Variants in PREX2 observed in about 807,000 individuals in gnomAD.
PREX2 encodes phosphatidylinositol 3,4,5-trisphosphate-dependent Rac exchanger 2 protein.
Under a neutral mutation model 203.2 loss-of-function variants are expected in PREX2, and 107 were observed. The observed-to-expected ratio is 0.53, with a 90% confidence interval of 0.45 to 0.62. The LOEUF is 0.62. Ranked by LOEUF, PREX2 falls within the 20% of genes least tolerant of loss-of-function variation. The probability of loss-of-function intolerance (pLI) is 0.00; values close to 1 mark genes in which losing one functional copy is unlikely to be tolerated. For synonymous variants in PREX2, 672 were observed against 663.6 expected, an observed-to-expected ratio of 1.01 and a Z score of -0.19; for missense variants, 1,777 against 1,955.9, an observed-to-expected ratio of 0.91 and a Z score of 1.72.
At chr8:67,981,407 G>A (rs919628327) in intron 1 of PREX2, among the ~76,000 whole-genome samples, 3 of 152,178 alleles carry the variant, frequency 2.0e-5, no homozygotes, top group South Asian at 2.1e-4. Context: ...AACAGGTAAT[G>A]AAACAGGCTA....
chr8:68,118,810 A>G, intron 27 of PREX2, 166 bp downstream of exon 27: 2 of 747,826 alleles, frequency 2.7e-6, no homozygotes, highest in Admixed American at 1.7e-5. Context: ...TTGATAGTCT[A>G]TTTCCCAATC....
At chr8:68,164,645 C>T (rs868472054) in intron 35 of PREX2, among the ~76,000 whole-genome samples, 131 of 148,716 alleles carry the variant, frequency 8.8e-4, no homozygotes, top group African/African-American at 3.0e-3. Context: ...TGCAGTGGCA[C>T]GATCTTGGCT....
chr8:68,051,862 A>G (rs1015854397), intron 8 of PREX2, among the ~76,000 whole-genome samples: 1 of 152,140 alleles, frequency 6.6e-6, no homozygotes, highest in Admixed American at 6.6e-5. Context: ...AATACAGACT[A>G]ATGTCTAATG....
In PREX2 at chr8:68,019,661, T is replaced by A. The variant is rs1451952974; in HGVS notation, c.326T>A (p.Phe109Tyr). 1 of 1,603,622 alleles carries A rather than the reference T, an allele frequency of 6.2e-7. No homozygotes were observed. The highest frequency in any genetic ancestry group is 8.5e-7 in the Non-Finnish European group (1 of 1,177,568). Residue 109 changes from phenylalanine (F) to tyrosine (Y), a missense_variant, in exon 3 of 40, where the codon TTT becomes TAT. Transcript: ENST00000288368. Reference protein sequence around the residue: ...PNAQQEVGTCFLHFKDKFRIY... With the variant: ...PNAQQEVGTCYLHFKDKFRIY... The stretch of plus-strand genomic sequence containing the variant: ...GCTCAACAAGAAGTGGGAACCTGCT[T>A]TCTTCACTTTGTAGGATAAATTTCT...
intron 35 of PREX2, among the ~76,000 whole-genome samples, chr8:68,168,639 GGTAAGGT>G (rs910801384): frequency 1.1e-4 from 16 of 151,990 alleles, no homozygotes; most frequent in Non-Finnish European, 2.2e-4. Context: ...TTGCTTCTTG[GGTAAGGT>G]GTTGATTTCT....
intron 1 of PREX2, among the ~76,000 whole-genome samples, chr8:67,980,391 GC>G (rs5892119): frequency 0.22 from 33,622 of 152,074 alleles, 4,788 homozygotes; most frequent in East Asian, 0.54. Context: ...AGACTTTTGA[GC>G]AGCACAAAGA....
chr8:68,090,763 A>C (rs1012738264), intron 20 of PREX2, 48 bp downstream of exon 20: 2 of 1,536,140 alleles, frequency 1.3e-6, no homozygotes, highest in African/African-American at 1.6e-5. Context: ...ACTTGCATAA[A>C]GACCTAAGGG....
At position 68,105,055 on chromosome 8, in the gene PREX2, T is replaced by C. The variant is rs560575008; in HGVS notation, c.2716-3054T>C. Reference sequence around the variant, plus strand: ...GTTGCTAAAAAGATAGGCAGATTGATGTTTACAGGGCCATTTGCACAATCA... The same window carrying C: ...GTTGCTAAAAAGATAGGCAGATTGACGTTTACAGGGCCATTTGCACAATCA... On this transcript the variant is annotated intron_variant, in intron 23 of 39. Transcript: ENST00000288368. 6.8e-6 allele frequency: 7 copies of C among 1,031,506 alleles called. No individual in the cohort carries two copies. In the Admixed American group the frequency reaches 1.3e-4, roughly 19 times the overall value. The allele number at this position is 1,031,506 out of a possible 1,614,324, so 63.9% of individuals were successfully genotyped here. A position where few individuals can be genotyped will look rare whatever the true frequency, so the allele number is the denominator to read the frequency against.
At chr8:68,156,329 G>A (rs957229475) in intron 34 of PREX2, among the ~76,000 whole-genome samples, 6 of 152,178 alleles carry the variant, frequency 3.9e-5, no homozygotes, top group African/African-American at 1.4e-4. Flanking sequence ...CTCTCAAAGT[G>A]CTGGAATTAT....
rs73685220 is a variant in PREX2, at chr8:68,111,571, C to T, written c.3146+1948C>T. Among the ~76,000 whole-genome samples the T allele has an allele frequency of 3.1e-3, 472 of 152,228 alleles. 3 individuals carry two copies. Among genetic ancestry groups the T allele is most frequent in the African/African-American group, 0.011 (453 of 41,546 alleles). ...TTGTTTTTCACTGAAGATTTCCCCA[C>T]CCTGTTATTCTAAAAACCTCTACCC... is the stretch of plus-strand genomic sequence containing the variant. On this transcript the variant is annotated intron_variant, in intron 25 of 39. Transcript: ENST00000288368.
intron 1 of PREX2, among the ~76,000 whole-genome samples, chr8:67,992,118 T>C (rs1287183922): frequency 6.6e-6 from 1 of 152,166 alleles, no homozygotes. Flanking sequence ...CAGTCCTGTG[T>C]TGGCCTACAC....
At chr8:67,959,019 C>G (rs1055059409) in intron 1 of PREX2, among the ~76,000 whole-genome samples, 2 of 152,122 alleles carry the variant, frequency 1.3e-5, no homozygotes, top group African/African-American at 4.8e-5. Flanking sequence ...ATTTTGAAAC[C>G]ATCAATTGAG....
chr8:68,150,492 C>T (rs1466500877), intron 34 of PREX2, among the ~76,000 whole-genome samples: 1 of 152,136 alleles, frequency 6.6e-6, no homozygotes, highest in East Asian at 1.9e-4. Context: ...CCTTCTCAGA[C>T]CAGGATTATT....
At chr8:68,195,230 C>T (rs1003899729) in intron 37 of PREX2, among the ~76,000 whole-genome samples, 11 of 152,314 alleles carry the variant, frequency 7.2e-5, no homozygotes, top group African/African-American at 2.6e-4. Flanking sequence ...TGATGTTCCA[C>T]AGCTATTACT....
intron 35 of PREX2, among the ~76,000 whole-genome samples, chr8:68,164,357 T>C (rs1393025392): frequency 6.6e-6 from 1 of 151,456 alleles, no homozygotes; most frequent in Non-Finnish European, 1.5e-5. Context: ...GTATTATATA[T>C]ATATATATAC....
intron 23 of PREX2, 32 bp downstream of exon 23, chr8:68,099,875 T>G (rs1374111757): frequency 1.3e-6 from 2 of 1,511,642 alleles, no homozygotes; most frequent in Non-Finnish European, 1.8e-6. Context: ...TACACAATTA[T>G]TGTTGAAATT....
chr8:68,156,539 A>C (rs1319006266), intron 34 of PREX2, among the ~76,000 whole-genome samples: 1 of 152,230 alleles, frequency 6.6e-6, no homozygotes, highest in African/African-American at 2.4e-5. Context: ...TACCTTTCAT[A>C]GTTCTTCGTT....
At chr8:68,228,765 C>CTAAATAAATAAA (rs59480721) in intron 39 of PREX2, among the ~76,000 whole-genome samples, 49 of 140,672 alleles carry the variant, frequency 3.5e-4, no homozygotes, top group Non-Finnish European at 5.6e-4. Context: ...GACTCCGTCT[C>CTAAATAAATAAA]TAAATAAATA....
intron 13 of PREX2, among the ~76,000 whole-genome samples, chr8:68,072,176 A>G (rs758724901): frequency 3.3e-5 from 5 of 152,158 alleles, no homozygotes; most frequent in Non-Finnish European, 5.9e-5. Flanking sequence ...CACAATGTTA[A>G]GTGTGGACTT....
Sources: allele counts gnomAD v4.1 joint callset (sites outside exome capture counted in the v4.1 genomes callset), GRCh38; gene constraint gnomAD v4.1.1; transcripts MANE v1.5; gene names NCBI Gene and HGNC (gene_info 2026-07-23, HGNC 2026-07-21).